SCLY: variants seen among roughly 807,000 people sequenced by gnomAD.
SCLY encodes the protein putative selenocysteine lyase.
In SCLY, 38 loss-of-function variants were observed where a neutral mutation model predicts 50.1. The observed-to-expected ratio is 0.76, with a 90% CI of 0.59 to 0.99. The LOEUF is 0.99. Among genes scored for constraint, SCLY ranks in the 50% least tolerant of loss-of-function variants. SCLY has a pLI of 0.00. For synonymous variants in SCLY, 243 were observed against 249.4 expected (o/e 0.97, Z 0.24); for missense variants, 600 against 620.0 (o/e 0.97, Z 0.34).
intron 1 of SCLY, among the ~76,000 whole-genome samples, chr2:238,063,515 G>A (rs182758545): frequency 7.9e-5 from 12 of 152,278 alleles, no homozygotes; most frequent in African/African-American, 2.6e-4. Context: ...GAGCCACCGC[G>A]CCCAGCCAGC....
rs769912943 is a variant in SCLY at position 238,096,850 on chromosome 2, C to T, written c.1158C>T (p.Ala386=). The T allele has an allele frequency of 6.2e-6, 10 of 1,612,302 alleles. No homozygotes were observed. The highest frequency in any genetic ancestry group is 1.1e-5 in the South Asian group (1 of 90,778). The part of the protein sequence containing the change: ...QCRVLMASVG[A]ACHSDHGDQP... The stretch of plus-strand genomic sequence containing the variant: ...GAGTGCTGATGGCCAGTGTGGGGGC[C>T]GCGTGCCACTCGGACCACGGGGACC... Residue 386 remains alanine, a synonymous_variant, in exon 11 of 12, where the codon GCC becomes GCT. Transcript: ENST00000254663.
Position 238,061,119 on chromosome 2 carries a change from G to T in SCLY, c.65G>T (p.Cys22Phe), listed in dbSNP as rs1437468082. The T allele has an allele frequency of 6.9e-7, 1 of 1,454,150 alleles. No individual in the cohort carries two copies. Among genetic ancestry groups the T allele is most frequent in the Non-Finnish European group, 9.0e-7 (1 of 1,110,196 alleles). 90.1% of individuals were successfully genotyped at this position (1,454,150 alleles called of 1,614,324 possible). The part of the protein sequence containing the change: ...PAPAASQPSG[C>F]GKHNSPERKV... ...CCCGCGGCGAGTCAGCCCAGCGGCTGCGGGAAACACAACTCGCCGGAGAGG... is the reference window on the plus strand; with the variant it reads ...CCCGCGGCGAGTCAGCCCAGCGGCTTCGGGAAACACAACTCGCCGGAGAGG... The change falls in exon 1 of 12, where the codon TGC becomes TTC. Residue 22 changes from cysteine to phenylalanine, a missense_variant. By Grantham distance (205) the Cys-to-Phe change is radical. Coordinates refer to ENST00000254663, the MANE Select transcript of SCLY (RefSeq NM_016510.7).
At position 238,083,107 on chromosome 2, in the gene SCLY, G is replaced by A. The variant is rs778604452; in HGVS notation, c.778-141G>A. On this transcript the variant is annotated intron_variant, in intron 6 of 11. Coordinates refer to ENST00000254663, the MANE Select transcript of SCLY (RefSeq NM_016510.7). The surrounding 1 kb of genome is among the most constrained non-coding windows in gnomAD (Gnocchi z 4.3). The stretch of plus-strand genomic sequence containing the variant: ...TGTGACTCTGCGTGTCAAAAGGGGT[G>A]GCACTCAGAGGCGCCACAAGGAAGC... 15 of 732,106 alleles carry A rather than the reference G, an allele frequency of 2.0e-5. No homozygotes were observed. In the African/African-American group the frequency reaches 2.6e-4, roughly 13 times the overall value. The allele number at this position is 732,106 out of a possible 1,614,324, so 45.4% of individuals were successfully genotyped here. A position where few individuals can be genotyped will look rare whatever the true frequency, so the allele number is the denominator to read the frequency against.
chr2:238,075,721 T>G (rs1288843018), intron 4 of SCLY, among the ~76,000 whole-genome samples: 1 of 152,190 alleles, frequency 6.6e-6, no homozygotes, highest in Non-Finnish European at 1.5e-5. Flanking sequence ...TAGATCCCTT[T>G]CATTCATGAT....
rs370455572 is a variant in SCLY, at chr2:238,094,454, G to A, written c.1040G>A (p.Ser347Asn). The change falls in exon 10 of 12, where the codon AGC becomes AAC. Residue 347 changes from serine to asparagine, a missense_variant. Physicochemically the swap from Ser to Asn is conservative, Grantham distance 46 (BLOSUM62 1). Transcript: ENST00000254663. ...GGTCAGAAGAGAATCCATCTGAATA[G>A]CCAGTTTCCAGGCACCCAGCGGCTT... ...EFGQKRIHLN[S>N]QFPGTQRLPN... 1.2e-5 allele frequency: 19 copies of A among 1,614,034 alleles called. No homozygotes were observed. The African/African-American group carries it at 1.7e-4, about 15-fold the overall frequency.
At chr2:238,065,138 A>G (rs2065056407) in intron 2 of SCLY, 1 of 152,244 alleles carries the variant, frequency 6.6e-6, no homozygotes, top group Non-Finnish European at 1.5e-5. Flanking sequence ...GAATATTGCC[A>G]GGCCATACGA....
At chr2:238,086,304 A>G (rs532628659) in intron 7 of SCLY, among the ~76,000 whole-genome samples, 6 of 152,310 alleles carry the variant, frequency 3.9e-5, no homozygotes, top group Non-Finnish European at 8.8e-5. Context: ...TCTTAGCAAT[A>G]TCTGATGTGG....
chr2:238,090,769 T>G (rs573086361), intron 7 of SCLY, among the ~76,000 whole-genome samples: 62 of 152,304 alleles, frequency 4.1e-4, no homozygotes, highest in African/African-American at 1.4e-3. Context: ...ATCTCCTGTG[T>G]GTGTGCACAC....
chr2:238,094,565 T>A (rs1166591821), intron 10 of SCLY, 43 bp downstream of exon 10: 1 of 1,488,524 alleles, frequency 6.7e-7, no homozygotes. Flanking sequence ...TGAGCACAGC[T>A]CCCTCGGTGC....
intron 1 of SCLY, among the ~76,000 whole-genome samples, chr2:238,062,208 G>T (rs1236698130): frequency 6.6e-6 from 1 of 152,188 alleles, no homozygotes; most frequent in Non-Finnish European, 1.5e-5. Flanking sequence ...CCCAGCAGCA[G>T]ATTGAAGAGC....
rs557705135 is a variant in SCLY, at chr2:238,081,623, T to C, written c.485-86T>C. The C allele has an allele frequency of 3.5e-5, 53 of 1,520,434 alleles. No homozygotes were observed. The African/African-American group carries it at 7.0e-4, about 20-fold the overall frequency. 94.2% of individuals were successfully genotyped at this position (1,520,434 alleles called of 1,614,324 possible). A position where few individuals can be genotyped will look rare whatever the true frequency, so the allele number is the denominator to read the frequency against. ...GGACAACAATTTACTTTTATAGTTG[T>C]AGAAAACTGTTAAGCTCTGTTGGAA... On this transcript the variant is annotated intron_variant, in intron 4 of 11. Transcript: ENST00000254663.
chr2:238,070,338 G>A (rs551903411), intron 4 of SCLY, among the ~76,000 whole-genome samples: 15 of 152,262 alleles, frequency 9.9e-5, no homozygotes, highest in Non-Finnish European at 1.9e-4. Context: ...AAGATTAAGG[G>A]ACTGTGGCCA....
chr2:238,089,760 A>G (rs2065343183), intron 7 of SCLY, among the ~76,000 whole-genome samples: 1 of 151,564 alleles, frequency 6.6e-6, no homozygotes, highest in African/African-American at 2.4e-5. Context: ...CCCCTGTCTT[A>G]CACCTCATAA....
intron 8 of SCLY, 52 bp downstream of exon 8, chr2:238,091,306 C>A (rs766712625): frequency 2.7e-6 from 4 of 1,469,048 alleles, no homozygotes; most frequent in South Asian, 2.3e-5. Context: ...TCATCAGTGT[C>A]CCCAGCGGCT....
At chr2:238,081,964 T>C in intron 5 of SCLY, 81 bp from the exon 6 acceptor site, 1 of 1,577,978 alleles carries the variant, frequency 6.3e-7, no homozygotes, top group Non-Finnish European at 8.6e-7. Flanking sequence ...ACATTTGGCC[T>C]GCGCTCACTA....
chr2:238,064,748 A>T, intron 2 of SCLY: 1 of 231,992 alleles, frequency 4.3e-6, no homozygotes, highest in Non-Finnish European at 8.5e-6. Flanking sequence ...GAGTTCCTTG[A>T]AGTAGCAGTC....
intron 7 of SCLY, among the ~76,000 whole-genome samples, chr2:238,087,911 A>ATGG (rs2065315342): frequency 6.6e-6 from 1 of 152,110 alleles, no homozygotes; most frequent in Non-Finnish European, 1.5e-5. Flanking sequence ...GCTGGGCACC[A>ATGG]TAGTGAGACC....
chr2:238,094,783 C>A, intron 10 of SCLY: 1 of 434,472 alleles, frequency 2.3e-6, no homozygotes, highest in Non-Finnish European at 4.1e-6. Flanking sequence ...ACTCTCGTGT[C>A]TGGCATTAGC....
At chr2:238,097,158 A>AGGGCTGGGGC (rs1230564674) in intron 11 of SCLY, among the ~76,000 whole-genome samples, 15 of 9,898 alleles carry the variant, frequency 1.5e-3, no homozygotes, top group Admixed American at 6.9e-3. Flanking sequence ...GGGGCTGGGG[A>AGGGCTGGGGC]GGGCTGGGGC....
Sources: gnomAD v4.1 joint callset for allele counts (sites outside exome capture counted in the v4.1 genomes callset) on GRCh38, gnomAD v4.1.1 for gene constraint, Gnocchi (gnomAD v3.1) non-coding constraint, MANE v1.5 for transcripts, NCBI Gene and HGNC (gene_info 2026-07-23, HGNC 2026-07-21) for gene names.